The following FCHSD2 variants were observed in gnomAD, a reference collection of about 807,000 sequenced individuals.
FCHSD2 encodes FCH and double SH3 domains 2.
Under a neutral mutation model 108.1 loss-of-function variants are expected in FCHSD2, and 38 were observed. The observed-to-expected ratio is 0.35, with a 90% CI of 0.27 to 0.46. The LOEUF (loss-of-function observed/expected upper bound fraction) is 0.46, where lower values mean the gene tolerates loss of function less well. Ranked by LOEUF, FCHSD2 falls within the 20% of genes least tolerant of loss-of-function variation. FCHSD2 has a pLI of 1.00. For missense variants in FCHSD2, 751 were observed against 897.8 expected (o/e 0.84, Z 2.09); for synonymous variants, 279 against 314.7 (o/e 0.89, Z 1.20).
At chr11:72,872,051 C>T (rs1314989967) in intron 12 of FCHSD2, among the ~76,000 whole-genome samples, 1 of 151,760 alleles carries the variant, frequency 6.6e-6, no homozygotes, top group Non-Finnish European at 1.5e-5. Context: ...TGAGGTAAAA[C>T]ATTACATAAA....
intron 2 of FCHSD2, among the ~76,000 whole-genome samples, chr11:73,120,590 G>A (rs183682027): frequency 5.3e-4 from 80 of 151,994 alleles, no homozygotes; most frequent in African/African-American, 1.4e-3. Flanking sequence ...TTAGCCGGGC[G>A]TGGTGGTGCA....
intron 8 of FCHSD2, among the ~76,000 whole-genome samples, chr11:72,929,476 G>A (rs1359225421): frequency 6.6e-6 from 1 of 152,198 alleles, no homozygotes; most frequent in Non-Finnish European, 1.5e-5. Context: ...TTGCTAGTGT[G>A]CATAGAGTTA....
At chr11:72,846,256 C>T (rs1454386234) in intron 14 of FCHSD2, among the ~76,000 whole-genome samples, 2 of 151,136 alleles carry the variant, frequency 1.3e-5, no homozygotes, top group East Asian at 3.9e-4. Context: ...TCTCGGCTCA[C>T]TGCAACCTCT....
intron 3 of FCHSD2, among the ~76,000 whole-genome samples, chr11:73,028,199 A>G (rs952299576): frequency 3.3e-5 from 5 of 152,252 alleles, no homozygotes; most frequent in Middle Eastern, 3.4e-3. Context: ...CAGGCACTCA[A>G]TGGCAGCCTG....
At chr11:73,083,164 T>G (rs1037675612) in intron 3 of FCHSD2, among the ~76,000 whole-genome samples, 1 of 152,236 alleles carries the variant, frequency 6.6e-6, no homozygotes, top group African/African-American at 2.4e-5. Context: ...GTAAATACTT[T>G]ACAAATATAG....
chr11:73,038,268 G>A (rs1366766410), intron 3 of FCHSD2, among the ~76,000 whole-genome samples: 1 of 151,808 alleles, frequency 6.6e-6, no homozygotes, highest in African/African-American at 2.4e-5. Context: ...CTTGAGCCCA[G>A]GAGTTTGAAG....
intron 2 of FCHSD2, among the ~76,000 whole-genome samples, chr11:73,137,744 C>T (rs549193468): frequency 6.6e-6 from 1 of 152,276 alleles, no homozygotes; most frequent in Admixed American, 6.5e-5. Flanking sequence ...CAACAGCATA[C>T]ACAGGGGCAT....
At chr11:72,906,160 T>C (rs1256309076) in intron 9 of FCHSD2, among the ~76,000 whole-genome samples, 1 of 152,246 alleles carries the variant, frequency 6.6e-6, no homozygotes, top group African/African-American at 2.4e-5. Context: ...GTGGTTTTGA[T>C]TTGCATTTCT....
At chr11:72,871,058 C>T (rs565632744) in intron 12 of FCHSD2, among the ~76,000 whole-genome samples, 2 of 152,216 alleles carry the variant, frequency 1.3e-5, no homozygotes, top group South Asian at 4.1e-4. Flanking sequence ...TCCTATTCTC[C>T]AAATTCAAGA....
At chr11:72,871,264 G>A (rs1435286796) in intron 12 of FCHSD2, among the ~76,000 whole-genome samples, 2 of 152,174 alleles carry the variant, frequency 1.3e-5, no homozygotes, top group Non-Finnish European at 2.9e-5. Context: ...GGCTGAAAGT[G>A]AGCCAACCCC....
At chr11:73,002,133 C>T (rs1857637831) in intron 4 of FCHSD2, among the ~76,000 whole-genome samples, 1 of 152,054 alleles carries the variant, frequency 6.6e-6, no homozygotes, top group African/African-American at 2.4e-5. Flanking sequence ...AAATGCTATA[C>T]AGAATGCTCA....
At chr11:73,103,514 C>T (rs1187254236) in intron 2 of FCHSD2, among the ~76,000 whole-genome samples, 1 of 152,118 alleles carries the variant, frequency 6.6e-6, no homozygotes, top group East Asian at 1.9e-4. Flanking sequence ...TCCCAAAGCA[C>T]ATATCTGTCT....
intron 12 of FCHSD2, among the ~76,000 whole-genome samples, chr11:72,885,445 T>C (rs991141277): frequency 4.6e-5 from 7 of 152,154 alleles, no homozygotes; most frequent in Non-Finnish European, 1.0e-4. Flanking sequence ...AGTTTGAAAC[T>C]AACAAACACA....
At chr11:73,125,492 C>T in intron 2 of FCHSD2, among the ~76,000 whole-genome samples, 1 of 151,660 alleles carries the variant, frequency 6.6e-6, no homozygotes, top group East Asian at 1.9e-4. Context: ...ACTGCTTGAG[C>T]TCCACAGTTC....
intron 2 of FCHSD2, among the ~76,000 whole-genome samples, chr11:73,108,996 T>C (rs1424444664): frequency 1.3e-5 from 2 of 152,252 alleles, no homozygotes; most frequent in African/African-American, 4.8e-5. Context: ...AGACTGTCCT[T>C]TCCTCAATGT....
chr11:72,926,685 C>T (rs917380324), intron 8 of FCHSD2, among the ~76,000 whole-genome samples: 1 of 152,190 alleles, frequency 6.6e-6, no homozygotes, highest in African/African-American at 2.4e-5. Context: ...CTTCACTTGT[C>T]TGCCTACCGC....
chr11:72,872,881 C>A (rs1048952165), intron 12 of FCHSD2, among the ~76,000 whole-genome samples: 1 of 152,138 alleles, frequency 6.6e-6, no homozygotes, highest in Admixed American at 6.5e-5. Context: ...TGTTTTTCAA[C>A]GTGGCTTTAT....
chr11:72,918,022 C>G (rs1855909894), intron 9 of FCHSD2, among the ~76,000 whole-genome samples: 1 of 152,128 alleles, frequency 6.6e-6, no homozygotes, highest in South Asian at 2.1e-4. Context: ...ATGAAATCTC[C>G]CAATCCATGA....
intron 2 of FCHSD2, among the ~76,000 whole-genome samples, chr11:73,118,976 A>G (rs954321468): frequency 3.3e-5 from 5 of 152,226 alleles, no homozygotes; most frequent in African/African-American, 4.8e-5. Flanking sequence ...GGGCTAATAA[A>G]TAAATAATTA....
Sources: gnomAD v4.1 joint callset for allele counts (sites outside exome capture counted in the v4.1 genomes callset) on GRCh38, gnomAD v4.1.1 for gene constraint, MANE v1.5 for transcripts, NCBI Gene and HGNC (gene_info 2026-07-23, HGNC 2026-07-21) for gene names.